The following EIF3H variants were observed in gnomAD, a reference collection of about 807,000 sequenced individuals.
EIF3H encodes the protein eukaryotic translation initiation factor 3 subunit H, also known as eIF-3-gamma.
A neutral mutation model predicts 44.2 loss-of-function variants in EIF3H; 26 were observed. That is an observed-to-expected ratio of 0.59 (90% CI 0.43 to 0.82). The LOEUF is 0.82. Ranked by LOEUF, EIF3H falls within the 40% of genes least tolerant of loss-of-function variation. The probability of loss-of-function intolerance (pLI) is 0.00; values close to 1 mark genes in which losing one functional copy is unlikely to be tolerated. For synonymous variants in EIF3H, 166 were observed against 151.9 expected (o/e 1.09, Z -0.68); for missense variants, 359 against 432.8 (o/e 0.83, Z 1.51).
intron 1 of EIF3H, among the ~76,000 whole-genome samples, chr8:116,752,876 GT>G (rs1815383307): frequency 1.3e-5 from 2 of 151,098 alleles, no homozygotes. Flanking sequence ...GAAGAGAAGA[GT>G]TTAAGGAAGG....
At chr8:116,709,490 T>C (rs1489529945) in intron 2 of EIF3H, among the ~76,000 whole-genome samples, 1 of 152,208 alleles carries the variant, frequency 6.6e-6, no homozygotes, top group Non-Finnish European at 1.5e-5. Flanking sequence ...GGTAACCATA[T>C]GCACGTATGC....
intron 2 of EIF3H, among the ~76,000 whole-genome samples, chr8:116,698,918 C>A (rs1814319640): frequency 6.6e-6 from 1 of 152,106 alleles, no homozygotes; most frequent in Non-Finnish European, 1.5e-5. Flanking sequence ...GAGGCCAAGA[C>A]AGGCAGATCT....
At position 116,726,030 on chromosome 8, in the gene EIF3H, G is replaced by C; in HGVS notation, c.275C>G (p.Ala92Gly). ...FPFPQHTEDD[A>G]DFDEVQYQME... ...AACACCCTTACCTTCATCAAAGTCA[G>C]CATCATCCTCTGTGTGCTGAGGGAA... Residue 92 changes from alanine to glycine, a missense_variant, in exon 2 of 8, where the codon GCT becomes GGT. By Grantham distance (60) the Ala-to-Gly change is moderately conservative. Transcript: ENST00000521861. 6.2e-7 allele frequency: 1 copy of C among 1,613,840 alleles called. No homozygotes were observed. Among genetic ancestry groups the C allele is most frequent in the Non-Finnish European group, 8.5e-7 (1 of 1,179,850 alleles).
At chr8:116,707,966 T>G (rs1168189460) in intron 2 of EIF3H, among the ~76,000 whole-genome samples, 1 of 152,162 alleles carries the variant, frequency 6.6e-6, no homozygotes, top group South Asian at 2.1e-4. Flanking sequence ...GTTTCCTGAT[T>G]CAGTCAGTCA....
At chr8:116,682,098 G>C in intron 2 of EIF3H, among the ~76,000 whole-genome samples, 1 of 152,232 alleles carries the variant, frequency 6.6e-6, no homozygotes, top group Middle Eastern at 3.4e-3. Flanking sequence ...TAAAAGCAGC[G>C]TCCATCCACT....
intron 2 of EIF3H, among the ~76,000 whole-genome samples, chr8:116,685,018 G>C (rs1814050147): frequency 6.6e-6 from 1 of 152,162 alleles, no homozygotes; most frequent in Non-Finnish European, 1.5e-5. Flanking sequence ...TTTTCATACA[G>C]AGTATAGATG....
chr8:116,742,262 T>C (rs751655013), intron 1 of EIF3H, among the ~76,000 whole-genome samples: 2 of 152,152 alleles, frequency 1.3e-5, no homozygotes, highest in Non-Finnish European at 2.9e-5. Context: ...AATCAACTAA[T>C]AATTGTTGGG....
chr8:116,652,932 T>C (rs564263605), intron 5 of EIF3H, among the ~76,000 whole-genome samples: 4 of 152,316 alleles, frequency 2.6e-5, no homozygotes, highest in Non-Finnish European at 2.9e-5. Flanking sequence ...CAAAGGGCTA[T>C]ACTAAGTATA....
chr8:116,688,239 ATC>A (rs776289216), intron 2 of EIF3H, among the ~76,000 whole-genome samples: 3 of 152,146 alleles, frequency 2.0e-5, no homozygotes, highest in Admixed American at 6.5e-5. Context: ...ATGTTGTCTT[ATC>A]TCTCTGGTAT....
intron 2 of EIF3H, among the ~76,000 whole-genome samples, chr8:116,715,214 T>C (rs1335263466): frequency 6.6e-6 from 1 of 152,078 alleles, no homozygotes; most frequent in Non-Finnish European, 1.5e-5. Flanking sequence ...TCTACAACTC[T>C]GCTTTTCTTT....
chr8:116,670,217 A>C (rs1239222484), intron 2 of EIF3H, among the ~76,000 whole-genome samples: 1 of 152,248 alleles, frequency 6.6e-6, no homozygotes, highest in Non-Finnish European at 1.5e-5. Context: ...AAGGGTCACA[A>C]GTACTGAGAT....
chr8:116,757,241 C>T (rs1323653386), upstream of EIF3H, among the ~76,000 whole-genome samples: 1 of 118,286 alleles, frequency 8.5e-6, no homozygotes, highest in Non-Finnish European at 2.0e-5. Context: ...TGTGGGCCCT[C>T]TTTATGAAAT....
intron 1 of EIF3H, among the ~76,000 whole-genome samples, chr8:116,726,730 T>C (rs902018897): frequency 1.3e-5 from 2 of 152,132 alleles, no homozygotes; most frequent in Admixed American, 6.5e-5. Context: ...TCCAGCATGA[T>C]CTAGTTTTCC....
rs1478546258 is a variant in EIF3H at position 116,693,500 on chromosome 8, AATG to A, written c.289+32513_289+32515del. ...GTGGCATGCTAAGCTAATTTCACCA[AATG>A]ATTATATATTCTGTCACCATGCTGG... On this transcript the variant is annotated intron_variant, in intron 2 of 7. Coordinates refer to ENST00000521861, the MANE Select transcript of EIF3H (RefSeq NM_003756.3). 6.0e-5 allele frequency among the ~76,000 whole-genome samples: 9 copies of A among 148,822 alleles called. No individual in the cohort carries two copies. The East Asian group carries it at 1.7e-3, about 29-fold the overall frequency.
chr8:116,702,270 A>G (rs957378056), intron 2 of EIF3H, among the ~76,000 whole-genome samples: 3 of 152,240 alleles, frequency 2.0e-5, no homozygotes, highest in Non-Finnish European at 4.4e-5. Flanking sequence ...CATGGCTGGC[A>G]TAACGGGAGA....
chr8:116,712,784 T>C (rs750680910), intron 2 of EIF3H, among the ~76,000 whole-genome samples: 3 of 152,078 alleles, frequency 2.0e-5, no homozygotes, highest in Admixed American at 6.5e-5. Context: ...ATAACTAAGA[T>C]AGCACTCTTT....
intron 1 of EIF3H, among the ~76,000 whole-genome samples, chr8:116,733,249 G>C (rs538988613): frequency 6.6e-6 from 1 of 152,318 alleles, no homozygotes; most frequent in East Asian, 1.9e-4. Flanking sequence ...CTCTGGGCCT[G>C]CATCCTCCCA....
intron 1 of EIF3H, among the ~76,000 whole-genome samples, chr8:116,730,799 G>T (rs1814938560): frequency 6.6e-6 from 1 of 152,196 alleles, no homozygotes; most frequent in African/African-American, 2.4e-5. Flanking sequence ...TTTGCTGAAG[G>T]AATGAATGGC....
chr8:116,717,554 T>C (rs1049763680), intron 2 of EIF3H, among the ~76,000 whole-genome samples: 6 of 152,094 alleles, frequency 3.9e-5, no homozygotes, highest in South Asian at 2.1e-4. Context: ...AACATGAATA[T>C]AGACCAATGG....
Sources: allele counts gnomAD v4.1 joint callset (sites outside exome capture counted in the v4.1 genomes callset), GRCh38; gene constraint gnomAD v4.1.1; transcripts MANE v1.5; gene names NCBI Gene and HGNC (gene_info 2026-07-23, HGNC 2026-07-21).